Variants in CDK8 observed in about 807,000 individuals in gnomAD.
CDK8 encodes the protein cyclin-dependent kinase 8.
Under a neutral mutation model 71.5 loss-of-function variants are expected in CDK8, and 29 were observed. That is an observed-to-expected ratio of 0.41 (90% CI 0.30 to 0.55). CDK8 has a LOEUF of 0.55. Ranked by LOEUF, CDK8 falls within the 20% of genes least tolerant of loss-of-function variation. The probability of loss-of-function intolerance (pLI) is 0.37; values close to 1 mark genes in which losing one functional copy is unlikely to be tolerated. For synonymous variants in CDK8, 161 were observed against 192.1 expected (o/e 0.84, Z 1.34); for missense variants, 288 against 572.6 (o/e 0.50, Z 5.07).
At chr13:26,400,032 G>C (rs918634844) in intron 9 of CDK8, 1 of 199,916 alleles carries the variant, frequency 5.0e-6, no homozygotes, top group East Asian at 1.5e-4. Flanking sequence ...TGGGGAGATT[G>C]ACTTTTTTAT....
chr13:26,385,091 T>G (rs1875412329), intron 5 of CDK8, 120 bp from the exon 6 acceptor site: 3 of 770,496 alleles, frequency 3.9e-6, no homozygotes, highest in Non-Finnish European at 6.1e-6. Flanking sequence ...GTTTTGTGGG[T>G]TTCTTCCCCT....
chr13:26,375,395 G>A lies in CDK8; in HGVS notation c.457-7419G>A, dbSNP rs1327986741. Among the ~76,000 whole-genome samples the A allele has an allele frequency of 2.0e-5, 3 of 152,172 alleles. No individual in the cohort carries two copies. In the South Asian group the frequency reaches 6.2e-4, roughly 31 times the overall value. On this transcript the variant is annotated intron_variant, in intron 4 of 12. Coordinates refer to ENST00000381527, the MANE Select transcript of CDK8 (RefSeq NM_001260.3). Reference sequence around the variant, plus strand: ...AGGATGTTGCCCAGCTTCACTGCCTGCTCACTGTCCAGGCTTGCCAAAAGA... The same window carrying A: ...AGGATGTTGCCCAGCTTCACTGCCTACTCACTGTCCAGGCTTGCCAAAAGA...
At chr13:26,337,535 A>G in intron 1 of CDK8, 32 bp from the exon 2 acceptor site, 1 of 885,490 alleles carries the variant, frequency 1.1e-6, no homozygotes, top group Non-Finnish European at 1.7e-6. Context: ...ATATAGATTT[A>G]TCTATATATT....
chr13:26,353,711 T>G (rs201745121), intron 3 of CDK8, 29 bp from the exon 4 acceptor site: 1 of 1,550,750 alleles, frequency 6.4e-7, no homozygotes, highest in African/African-American at 1.4e-5. Flanking sequence ...TTTTTTAAGC[T>G]TCTGTTGATA....
intron 9 of CDK8, among the ~76,000 whole-genome samples, chr13:26,398,857 G>A (rs924414273): frequency 5.3e-5 from 8 of 151,540 alleles, no homozygotes; most frequent in African/African-American, 9.7e-5. Context: ...CCAGCTACTC[G>A]GGAGGTTGAG....
intron 1 of CDK8, among the ~76,000 whole-genome samples, chr13:26,336,592 C>T (rs1189121055): frequency 7.6e-6 from 1 of 131,436 alleles, no homozygotes; most frequent in African/African-American, 2.9e-5. Flanking sequence ...CTCGCTCTGT[C>T]GCCCAGGCTG....
intron 1 of CDK8, among the ~76,000 whole-genome samples, chr13:26,289,830 G>A (rs1360054947): frequency 6.6e-6 from 1 of 152,130 alleles, no homozygotes; most frequent in Non-Finnish European, 1.5e-5. Flanking sequence ...GATTACAGGC[G>A]TGAGCCACGG....
intron 1 of CDK8, among the ~76,000 whole-genome samples, chr13:26,302,933 T>G (rs904657729): frequency 6.6e-6 from 1 of 152,166 alleles, no homozygotes; most frequent in African/African-American, 2.4e-5. Context: ...TTTGAACTCC[T>G]GGGCTCAAGC....
chr13:26,384,199 G>A (rs1156919713), intron 5 of CDK8, among the ~76,000 whole-genome samples: 2 of 151,586 alleles, frequency 1.3e-5, no homozygotes, highest in African/African-American at 2.4e-5. Context: ...CTGTAAATCA[G>A]TATTTAGTAA....
rs745321334 is a variant in CDK8, at chr13:26,401,613, T to C, written c.1258T>C (p.Ser420Pro). The C allele has an allele frequency of 6.2e-7, 1 of 1,614,166 alleles. No individual in the cohort carries two copies. The highest frequency in any genetic ancestry group is 8.5e-7 in the Non-Finnish European group (1 of 1,179,986). The change falls in exon 12 of 13, where the codon TCA becomes CCA. Residue 420 changes from serine to proline, a missense_variant. Physicochemically the swap from Ser to Pro is moderately conservative, Grantham distance 74 (BLOSUM62 -1). This residue lies in a region of CDK8 where 76 missense variants were observed against 99.7 expected (regional missense o/e 0.76). Coordinates refer to ENST00000381527, the MANE Select transcript of CDK8 (RefSeq NM_001260.3). The surrounding 1 kb of genome is among the most constrained non-coding windows in gnomAD (Gnocchi z 4.5). ...TACCTCAGGTGGACTTATCATGACC[T>C]CAGACTATCAGGTATTCCAAGTTTA... ...TTTSGGLIMT[S>P]DYQRSNPHAA...
At position 26,320,873 on chromosome 13, in the gene CDK8, A is replaced by C. The variant is rs7991814; in HGVS notation, c.129-16694A>C. On this transcript the variant is annotated intron_variant, in intron 1 of 12. Coordinates refer to ENST00000381527, the MANE Select transcript of CDK8 (RefSeq NM_001260.3). ...CTATAAAAAACAAAAACAAAATGAC[A>C]GTTGTTGGCAAGAATGTGGAGAAAT... Among the ~76,000 whole-genome samples the C allele has an allele frequency of 6.6e-3, 1,004 of 152,270 alleles. 10 individuals carry two copies. The highest frequency in any genetic ancestry group is 0.021 in the African/African-American group (870 of 41,546).
intron 1 of CDK8, among the ~76,000 whole-genome samples, chr13:26,273,896 T>C (rs2137875172): frequency 6.6e-6 from 1 of 152,254 alleles, no homozygotes; most frequent in Middle Eastern, 3.4e-3. Flanking sequence ...TTAAGGCATG[T>C]TTTAAAATTA....
chr13:26,363,909 T>G (rs999720672), intron 4 of CDK8, among the ~76,000 whole-genome samples: 5 of 152,206 alleles, frequency 3.3e-5, no homozygotes, highest in African/African-American at 1.2e-4. Flanking sequence ...GATGAATTAT[T>G]AAGGCATTTT....
chr13:26,352,739 A>G (rs970129701), intron 3 of CDK8, among the ~76,000 whole-genome samples: 27 of 152,158 alleles, frequency 1.8e-4, no homozygotes, highest in Admixed American at 1.7e-3. Context: ...CTTCTCGTAG[A>G]TATTTGCTAT....
intron 1 of CDK8, among the ~76,000 whole-genome samples, chr13:26,288,535 A>G (rs1873133485): frequency 6.6e-6 from 1 of 151,224 alleles, no homozygotes; most frequent in Admixed American, 6.6e-5. Flanking sequence ...CACCCTAGTC[A>G]TTTATTTCTT....
chr13:26,318,045 A>C (rs1237098468), intron 1 of CDK8, among the ~76,000 whole-genome samples: 1 of 152,058 alleles, frequency 6.6e-6, no homozygotes, highest in African/African-American at 2.4e-5. Context: ...AGGTGGACTA[A>C]GAAAAAAAAA....
At chr13:26,383,221 A>T (rs559209492) in intron 5 of CDK8, among the ~76,000 whole-genome samples, 2 of 152,288 alleles carry the variant, frequency 1.3e-5, no homozygotes, top group South Asian at 4.1e-4. Context: ...TTCTACTATC[A>T]GTTGTGTTCG....
chr13:26,379,377 C>A (rs1875107360), intron 4 of CDK8, among the ~76,000 whole-genome samples: 1 of 152,194 alleles, frequency 6.6e-6, no homozygotes. Context: ...GCCCCAAACT[C>A]TAATACTAGG....
intron 10 of CDK8, 33 bp downstream of exon 10, chr13:26,400,583 G>T: frequency 7.6e-7 from 1 of 1,307,478 alleles, no homozygotes; most frequent in South Asian, 1.2e-5. Flanking sequence ...TCATCAGCAT[G>T]ATGGAAGTTT....
Sources: gnomAD v4.1 joint callset for allele counts (sites outside exome capture counted in the v4.1 genomes callset) on GRCh38, gnomAD v4.1.1 for gene constraint, gnomAD v4.1.1 regional missense constraint, Gnocchi (gnomAD v3.1) non-coding constraint, MANE v1.5 for transcripts, NCBI Gene and HGNC (gene_info 2026-07-23, HGNC 2026-07-21) for gene names.